The following PAK1 variants were observed in gnomAD, a reference collection of about 807,000 sequenced individuals.
The protein encoded by PAK1 is p21 (RAC1) activated kinase 1.
PAK1 carries 29 observed loss-of-function variants against 67.4 expected under a neutral mutation model. The observed-to-expected ratio is 0.43, with a 90% CI of 0.32 to 0.59. PAK1 has a LOEUF of 0.59. Ranked by LOEUF, PAK1 falls within the 20% of genes least tolerant of loss-of-function variation. The pLI, the probability that PAK1 is intolerant of heterozygous loss-of-function variation, is 0.07. For missense variants in PAK1, 337 were observed against 670.7 expected (o/e 0.50, Z 5.50); for synonymous variants, 223 against 237.4 (o/e 0.94, Z 0.56).
intron 1 of PAK1, among the ~76,000 whole-genome samples, chr11:77,466,530 G>A (rs915855112): frequency 1.3e-5 from 2 of 151,968 alleles, no homozygotes; most frequent in African/African-American, 4.8e-5. Context: ...GTGAACCCGG[G>A]AGGCAGAGCT....
At chr11:77,426,470 A>C (rs149594487) in intron 1 of PAK1, among the ~76,000 whole-genome samples, 2 of 152,180 alleles carry the variant, frequency 1.3e-5, no homozygotes, top group African/African-American at 4.8e-5. Context: ...CTCATTTTAC[A>C]GGTAAGAAAA....
At chr11:77,439,959 A>G (rs949133511) in intron 1 of PAK1, among the ~76,000 whole-genome samples, 1 of 152,206 alleles carries the variant, frequency 6.6e-6, no homozygotes, top group African/African-American at 2.4e-5. Flanking sequence ...GAAACCTAGT[A>G]TGGATATTTA....
chr11:77,515,040 A>C, the PAK1 span: 1 of 152,384 alleles, frequency 6.6e-6, no homozygotes, highest in Admixed American at 6.5e-5. Context: ...GGAGGAAAAG[A>C]GCATGACATT....
At position 77,443,769 on chromosome 11, in the gene PAK1, A is replaced by C. The variant is rs933383372; in HGVS notation, c.-22+29783T>G. Among the ~76,000 whole-genome samples the C allele has an allele frequency of 2.6e-5, 4 of 152,298 alleles. No individual in the cohort carries two copies. The South Asian group carries it at 8.3e-4, about 32-fold the overall frequency. On this transcript the variant is annotated intron_variant, in intron 1 of 14. Transcript: ENST00000356341. ...AGAAGGCATTCAGGTACAACTTAAT[A>C]AAAGAAAAAGGAAGCAAAATCACAG...
the PAK1 span, among the ~76,000 whole-genome samples, chr11:77,516,877 A>C: frequency 6.7e-6 from 1 of 149,630 alleles, no homozygotes; most frequent in South Asian, 2.1e-4. Flanking sequence ...GCGGTAGCAC[A>C]TTCCTGTAGT....
At chr11:77,526,099 C>T in the PAK1 span, among the ~76,000 whole-genome samples, 3 of 152,162 alleles carry the variant, frequency 2.0e-5, no homozygotes, top group African/African-American at 7.2e-5. Flanking sequence ...CTACATCCAG[C>T]CTTGAAAACA....
intron 1 of PAK1, among the ~76,000 whole-genome samples, chr11:77,413,297 G>A (rs1433648731): frequency 6.6e-6 from 1 of 152,100 alleles, no homozygotes; most frequent in Non-Finnish European, 1.5e-5. Context: ...CAGAGGTTCA[G>A]GCAACAGAAA....
intron 1 of PAK1, among the ~76,000 whole-genome samples, chr11:77,467,157 T>C (rs931166803): frequency 2.0e-5 from 3 of 152,112 alleles, no homozygotes; most frequent in Non-Finnish European, 4.4e-5. Context: ...TCCCCTTTCT[T>C]CTCACCCCTC....
rs1175661156 is a variant in PAK1 at position 77,340,104 on chromosome 11, C to CT, written c.1116+541dup. 3.3e-5 allele frequency among the ~76,000 whole-genome samples: 5 copies of CT among 152,002 alleles called. No individual in the cohort carries two copies. In the East Asian group the frequency reaches 5.8e-4, roughly 18 times the overall value. On this transcript the variant is annotated intron_variant, in intron 11 of 14. Coordinates refer to ENST00000356341, the MANE Select transcript of PAK1 (RefSeq NM_002576.5). ...GGAGTATCTATTTGAGCTTTGTTTT[C>CT]TTTTTTTATTTTCCTGGAAGTATTT... is the stretch of plus-strand genomic sequence containing the variant.
At chr11:77,433,357 A>G (rs1278536032) in intron 1 of PAK1, among the ~76,000 whole-genome samples, 2 of 152,246 alleles carry the variant, frequency 1.3e-5, no homozygotes, top group African/African-American at 4.8e-5. Context: ...CAAAAATAAA[A>G]ACTTTTGTGC....
At chr11:77,365,266 A>G (rs1220662022) in intron 5 of PAK1, among the ~76,000 whole-genome samples, 1 of 79,898 alleles carries the variant, frequency 1.3e-5, no homozygotes, top group Non-Finnish European at 2.6e-5. Flanking sequence ...AAAAAAAAAA[A>G]AAGAAAAAAG....
At chr11:77,502,019 T>C in the PAK1 span, among the ~76,000 whole-genome samples, 1 of 152,236 alleles carries the variant, frequency 6.6e-6, no homozygotes, top group African/African-American at 2.4e-5. Flanking sequence ...CTGCTGGGCA[T>C]TTAAATGTTT....
the PAK1 span, among the ~76,000 whole-genome samples, chr11:77,522,669 T>A: frequency 1.3e-5 from 2 of 152,206 alleles, no homozygotes; most frequent in African/African-American, 2.4e-5. Context: ...TGGAGATTTC[T>A]CAAAGAACTA....
intron 9 of PAK1, chr11:77,347,111 A>C: frequency 2.2e-6 from 1 of 456,056 alleles, no homozygotes; most frequent in Middle Eastern, 3.3e-4. Flanking sequence ...TCCTGACCAC[A>C]CTGCATTAGC....
At chr11:77,480,521 GTTTTTTTTTTT>G in the PAK1 span, among the ~76,000 whole-genome samples, 3 of 121,316 alleles carry the variant, frequency 2.5e-5, no homozygotes, top group Non-Finnish European at 5.1e-5. Context: ...AACCACCATG[GTTTTTTTTTTT>G]TTTTTTTTTG....
chr11:77,430,161 T>C (rs1226204963), intron 1 of PAK1, among the ~76,000 whole-genome samples: 3 of 152,118 alleles, frequency 2.0e-5, no homozygotes, highest in African/African-American at 4.8e-5. Context: ...GAAAATACTC[T>C]TCTAAGAATT....
chr11:77,338,319 C>T (rs1238513157), intron 11 of PAK1, among the ~76,000 whole-genome samples: 3 of 152,076 alleles, frequency 2.0e-5, no homozygotes, highest in African/African-American at 7.2e-5. Context: ...TTAAATGGTC[C>T]TAACCTAATA....
At chr11:77,395,301 G>A (rs1187363910) in intron 1 of PAK1, among the ~76,000 whole-genome samples, 1 of 152,124 alleles carries the variant, frequency 6.6e-6, no homozygotes, top group Non-Finnish European at 1.5e-5. Context: ...TTCCCTGGGA[G>A]CCAGAATGTT....
At chr11:77,357,437 A>G (rs1213691199) in intron 6 of PAK1, among the ~76,000 whole-genome samples, 2 of 152,186 alleles carry the variant, frequency 1.3e-5, no homozygotes, top group Non-Finnish European at 2.9e-5. Context: ...TAGACAAACT[A>G]TATCCCAGGC....
Sources: gnomAD v4.1 joint callset for allele counts (sites outside exome capture counted in the v4.1 genomes callset) on GRCh38, gnomAD v4.1.1 for gene constraint, MANE v1.5 for transcripts, NCBI Gene and HGNC (gene_info 2026-07-23, HGNC 2026-07-21) for gene names.